Variants in MIOS observed in about 807,000 individuals in gnomAD.
MIOS encodes meiosis regulator for oocyte development, also known as GATOR2 complex protein MIOS.
MIOS carries 52 observed loss-of-function variants against 96.9 expected under a neutral mutation model. The observed-to-expected ratio is 0.54, with a 90% CI of 0.43 to 0.68. The LOEUF (loss-of-function observed/expected upper bound fraction) is 0.68, where lower values mean the gene tolerates loss of function less well. Among genes scored for constraint, MIOS ranks in the 30% least tolerant of loss-of-function variants. MIOS has a pLI of 0.00. For missense variants in MIOS, 1,005 were observed against 1,052.8 expected (o/e 0.95, Z 0.63); for synonymous variants, 397 against 359.5 (o/e 1.10, Z -1.18).
At chr7:7,598,750 A>G (rs998494802) in intron 11 of MIOS, among the ~76,000 whole-genome samples, 14 of 152,166 alleles carry the variant, frequency 9.2e-5, no homozygotes, top group Non-Finnish European at 1.9e-4. Context: ...CAGTTTTTCA[A>G]TCTTTTCTAT....
At position 7,573,779 on chromosome 7, in the gene MIOS, T is replaced by G; in HGVS notation, c.1294+10T>G. The G allele has an allele frequency of 1.3e-6, 2 of 1,551,824 alleles. No individual in the cohort carries two copies. The highest frequency in any genetic ancestry group is 1.7e-6 in the Non-Finnish European group (2 of 1,151,820). ...TGGTATACTCTGCACTATATCCTTT[T>G]CATTGTGAATTTTGTGAGGTGAATC... On this transcript the variant is annotated intron_variant, in intron 4 of 12. Transcript: ENST00000340080. This position sits in a 1 kb window ranked among gnomAD's most constrained non-coding sequence, Gnocchi z 5.0.
intron 5 of MIOS, among the ~76,000 whole-genome samples, chr7:7,576,523 G>C (rs1166046262): frequency 6.6e-6 from 1 of 152,156 alleles, no homozygotes. Flanking sequence ...ATGTGCAGTG[G>C]ACCCAGAGGG....
rs890972226 is a variant in MIOS, at chr7:7,608,333, CAA to C, written c.*1242_*1243del. On this transcript the variant is annotated 3_prime_UTR_variant, in exon 13 of 13. Coordinates refer to ENST00000340080, the MANE Select transcript of MIOS (RefSeq NM_019005.4). ...TTTTATAGATTTTGGAGAAATAAAA[CAA>C]GAATTTTAAGAGCTTTCGTATTAGC... The C allele has an allele frequency of 4.0e-5, 6 of 151,384 alleles. No homozygotes were observed. The highest frequency in any genetic ancestry group is 1.5e-4 in the African/African-American group (6 of 41,372). The allele number at this position is 151,384 out of a possible 1,614,324, so 9.4% of individuals were successfully genotyped here. A position where few individuals can be genotyped will look rare whatever the true frequency, so the allele number is the denominator to read the frequency against.
intron 8 of MIOS, 108 bp downstream of exon 8, chr7:7,588,671 C>T: frequency 1.7e-6 from 1 of 571,762 alleles, no homozygotes; most frequent in Non-Finnish European, 2.7e-6. Context: ...TAAGCTAATT[C>T]TTCTAAAAAG....
chr7:7,585,262 A>G (rs1459544229), intron 6 of MIOS, among the ~76,000 whole-genome samples: 1 of 152,160 alleles, frequency 6.6e-6, no homozygotes, highest in African/African-American at 2.4e-5. Context: ...AATAACTTAT[A>G]TAAGACCCTG....
Position 7,605,827 on chromosome 7 carries a change from T to G in MIOS, c.2402-115T>G, listed in dbSNP as rs1784514122. On this transcript the variant is annotated intron_variant, in intron 11 of 12. Transcript: ENST00000340080. ...CTAGAACCTACCATCAAAATTGCTA[T>G]TTCAATATGATGTGTGATTCATATT... is the stretch of plus-strand genomic sequence containing the variant. The G allele has an allele frequency of 7.4e-6, 8 of 1,080,396 alleles. No homozygotes were observed. The South Asian group carries it at 1.5e-4, about 20-fold the overall frequency. 66.9% of individuals were successfully genotyped at this position (1,080,396 alleles called of 1,614,324 possible). A position where few individuals can be genotyped will look rare whatever the true frequency, so the allele number is the denominator to read the frequency against.
At chr7:7,583,990 A>G (rs1221489818) in intron 6 of MIOS, among the ~76,000 whole-genome samples, 1 of 152,114 alleles carries the variant, frequency 6.6e-6, no homozygotes, top group African/African-American at 2.4e-5. Context: ...ACAAAACCTC[A>G]GGGGTTTTTT....
At chr7:7,598,129 C>T (rs1784270788) in intron 11 of MIOS, among the ~76,000 whole-genome samples, 1 of 152,104 alleles carries the variant, frequency 6.6e-6, no homozygotes, top group African/African-American at 2.4e-5. Context: ...GCACAATTTT[C>T]AATTAAAATC....
At chr7:7,583,804 A>G (rs755010282) in intron 6 of MIOS, among the ~76,000 whole-genome samples, 1 of 152,182 alleles carries the variant, frequency 6.6e-6, no homozygotes, top group Non-Finnish European at 1.5e-5. Context: ...ACTCTGAATG[A>G]CACTTTTATT....
At chr7:7,596,186 C>T (rs886926211) in intron 10 of MIOS, 71 bp from the exon 11 acceptor site, 4 of 1,296,706 alleles carry the variant, frequency 3.1e-6, no homozygotes, top group South Asian at 1.4e-5. Context: ...ATTTGTTAGG[C>T]GCACACTAAG....
At chr7:7,600,779 A>C (rs571388285) in intron 11 of MIOS, among the ~76,000 whole-genome samples, 1 of 152,338 alleles carries the variant, frequency 6.6e-6, no homozygotes, top group South Asian at 2.1e-4. Context: ...TTTCAGCACC[A>C]CACCACACCT....
In MIOS at chr7:7,606,079, G is replaced by T; in HGVS notation, c.2531+8G>T. The T allele has an allele frequency of 6.2e-7, 1 of 1,613,074 alleles. No homozygotes were observed. Among genetic ancestry groups the T allele is most frequent in the Non-Finnish European group, 8.5e-7 (1 of 1,179,396 alleles). Reference sequence around the variant, plus strand: ...TATGCTTAGTTGGTTCAGGTAATCAGCACATTTCTTCTTTGATAGGCTTGG... The same window carrying T: ...TATGCTTAGTTGGTTCAGGTAATCATCACATTTCTTCTTTGATAGGCTTGG... On this transcript the variant is annotated splice_region_variant and intron_variant, in intron 12 of 12. Transcript: ENST00000340080.
chr7:7,573,835 G>C lies in MIOS; in HGVS notation c.1294+66G>C. 1 of 1,398,022 alleles carries C rather than the reference G, an allele frequency of 7.2e-7. No individual in the cohort carries two copies. The highest frequency in any genetic ancestry group is 9.7e-7 in the Non-Finnish European group (1 of 1,029,834). The allele number at this position is 1,398,022 out of a possible 1,614,324, so 86.6% of individuals were successfully genotyped here. A position where few individuals can be genotyped will look rare whatever the true frequency, so the allele number is the denominator to read the frequency against. ...GAAATGTTCTTGAAGTTTGCCAAAA[G>C]GTCAGTCTGTAAATATGCTCAATGT... On this transcript the variant is annotated intron_variant, in intron 4 of 12. Coordinates refer to ENST00000340080, the MANE Select transcript of MIOS (RefSeq NM_019005.4). This position sits in a 1 kb window ranked among gnomAD's most constrained non-coding sequence, Gnocchi z 5.0.
intron 7 of MIOS, among the ~76,000 whole-genome samples, chr7:7,587,254 G>C (rs1343410916): frequency 6.6e-6 from 1 of 151,894 alleles, no homozygotes; most frequent in Non-Finnish European, 1.5e-5. Context: ...TCCTGATCTT[G>C]AATGATCCAC....
chr7:7,586,464 A>C lies in MIOS; in HGVS notation c.1818+659A>C, dbSNP rs80135082. 8.9e-3 allele frequency among the ~76,000 whole-genome samples: 1,348 copies of C among 152,300 alleles called. 12 individuals carry two copies. The highest frequency in any genetic ancestry group is 0.042 in the South Asian group (202 of 4,824). On this transcript the variant is annotated intron_variant, in intron 7 of 12. Transcript: ENST00000340080. ...TTACCAGTTTTAGCTATTGGGTTTT[A>C]AGCTAAACAATAGTACTACAACTTT...
At chr7:7,574,953 G>A (rs1352116318) in intron 5 of MIOS, among the ~76,000 whole-genome samples, 4 of 152,050 alleles carry the variant, frequency 2.6e-5, no homozygotes, top group African/African-American at 7.2e-5. Context: ...TATACTTAGA[G>A]ATTGACCATC....
chr7:7,576,567 G>C (rs1339307392), intron 5 of MIOS, among the ~76,000 whole-genome samples: 1 of 152,176 alleles, frequency 6.6e-6, no homozygotes, highest in Non-Finnish European at 1.5e-5. Context: ...GGCTGAAACA[G>C]AGCATGAGAG....
intron 5 of MIOS, among the ~76,000 whole-genome samples, chr7:7,577,190 A>T (rs1783562660): frequency 6.6e-6 from 1 of 152,220 alleles, no homozygotes; most frequent in Non-Finnish European, 1.5e-5. Flanking sequence ...TCTATATGAC[A>T]AAAACCGCAA....
At chr7:7,592,316 C>G (rs543197748) in intron 9 of MIOS, among the ~76,000 whole-genome samples, 59 of 152,242 alleles carry the variant, frequency 3.9e-4, no homozygotes, top group Admixed American at 1.4e-3. Flanking sequence ...TTGACTTATT[C>G]CATCACCTCT....
Sources: gnomAD v4.1 joint callset for allele counts (sites outside exome capture counted in the v4.1 genomes callset) on GRCh38, gnomAD v4.1.1 for gene constraint, Gnocchi (gnomAD v3.1) non-coding constraint, MANE v1.5 for transcripts, NCBI Gene and HGNC (gene_info 2026-07-23, HGNC 2026-07-21) for gene names.